Variants in SPTB observed in about 807,000 individuals in gnomAD.
SPTB encodes the protein spectrin beta chain, erythrocytic.
In SPTB, 45 loss-of-function variants were observed where a neutral mutation model predicts 256.2. The ratio of observed to expected loss-of-function variants is 0.18; its 90% CI spans 0.14 to 0.23. The LOEUF is 0.23. SPTB is among the 10% of genes least tolerant of loss of function. SPTB has a pLI of 1.00. For missense variants in SPTB, 2,715 were observed against 3,040.4 expected (o/e 0.89, Z 2.52); for synonymous variants, 1,231 against 1,243.1 (o/e 0.99, Z 0.21).
chr14:64,793,055 A>G lies in SPTB; in HGVS notation c.2608T>C (p.Trp870Arg). ...CELWMGEKEK[W>R]LAEMEMPDTL... ...TCTGGCATTTCCATCTCGGCCAGCCACTTCTCCTTCTCTCCCATCCACAGC... is the reference window on the plus strand; with the variant it reads ...TCTGGCATTTCCATCTCGGCCAGCCGCTTCTCCTTCTCTCCCATCCACAGC... Residue 870 changes from tryptophan to arginine, a missense_variant, in exon 14 of 36, where the codon TGG becomes CGG. Trp to Arg is a moderately radical substitution (Grantham distance 101). This residue lies in a region of SPTB where 2,239 missense variants were observed against 2,384.4 expected (regional missense o/e 0.94). Coordinates refer to ENST00000644917, the MANE Select transcript of SPTB (RefSeq NM_001355436.2). The surrounding 1 kb of genome is among the most constrained non-coding windows in gnomAD (Gnocchi z 7.0). The G allele has an allele frequency of 6.2e-7, 1 of 1,614,014 alleles. No homozygotes were observed. Among genetic ancestry groups the G allele is most frequent in the Non-Finnish European group, 8.5e-7 (1 of 1,180,020 alleles).
At chr14:64,797,504 G>T (rs229584) in intron 10 of SPTB, among the ~76,000 whole-genome samples, 1 of 92,652 alleles carries the variant, frequency 1.1e-5, no homozygotes, top group East Asian at 8.4e-4. Context: ...AAAAAAAAAG[G>T]ACTCAGGGAT....
At chr14:64,817,582 A>G (rs906667998) in intron 2 of SPTB, among the ~76,000 whole-genome samples, 1 of 152,240 alleles carries the variant, frequency 6.6e-6, no homozygotes, top group African/African-American at 2.4e-5. Context: ...TGTCAACTTA[A>G]CAAAGAAGCT....
Position 64,797,786 on chromosome 14 carries a change from G to C in SPTB, c.1125C>G (p.Ala375=), listed in dbSNP as rs985504679. The change falls in exon 10 of 36, where the codon GCC becomes GCG. Residue 375 remains alanine, a synonymous_variant. Transcript: ENST00000644917. The part of the protein sequence containing the change: ...LLFTIQSRMR[A]NNQKVYTPHD... ...GGGGTGTGTACACTTTCTGATTGTT[G>C]GCTCTCATCCGGGACTGGATGGTAA... 1 of 1,613,994 alleles carries C rather than the reference G, an allele frequency of 6.2e-7. No homozygotes were observed. The highest frequency in any genetic ancestry group is 8.5e-7 in the Non-Finnish European group (1 of 1,180,016).
Position 64,779,246 on chromosome 14 carries a change from G to C in SPTB, c.4474C>G (p.Leu1492Val), listed in dbSNP as rs763942503. The change falls in exon 22 of 36, where the codon CTT (leucine) becomes GTT (valine). Residue 1492 changes from leucine (L) to valine (V), a missense_variant and splice_region_variant. Transcript: ENST00000644917. The surrounding 1 kb of genome is among the most constrained non-coding windows in gnomAD (Gnocchi z 4.2). ...QISRDLEDET[L>V]WVEERLPLAQ... ...AGAGGCAGCCTCTCCTCCACCCAAA[G>C]CTGCAGAGACCAGGAGGCAGGAGAG... The C allele has an allele frequency of 5.6e-6, 9 of 1,612,666 alleles. No homozygotes were observed. In the South Asian group the frequency reaches 9.9e-5, roughly 18 times the overall value.
rs1403888386 is a variant in SPTB, at chr14:64,778,384, T to C, written c.4563+773A>G. On this transcript the variant is annotated intron_variant, in intron 22 of 35. Coordinates refer to ENST00000644917, the MANE Select transcript of SPTB (RefSeq NM_001355436.2). The surrounding 1 kb of genome is among the most constrained non-coding windows in gnomAD (Gnocchi z 5.2). ...CACTTTTATCTGGGATCTAAGTTCC[T>C]GGGCTCTCCTTGCTGACCCAGAGAG... 6.6e-6 allele frequency among the ~76,000 whole-genome samples: 1 copy of C among 152,202 alleles called. No individual in the cohort carries two copies. Among genetic ancestry groups the C allele is most frequent in the Non-Finnish European group, 1.5e-5 (1 of 68,022 alleles).
At position 64,777,748 on chromosome 14, in the gene SPTB, G is replaced by T. The variant is rs2082386351; in HGVS notation, c.4563+1409C>A. ...GAGTTTGACAACCATTGCAACAGAG[G>T]GTTTTAGGTGAGGAAATGATAAAAT... On this transcript the variant is annotated intron_variant, in intron 22 of 35. Transcript: ENST00000644917. This position sits in a 1 kb window ranked among gnomAD's most constrained non-coding sequence, Gnocchi z 4.5. Among the ~76,000 whole-genome samples the T allele has an allele frequency of 6.6e-6, 1 of 152,150 alleles. No homozygotes were observed. Among genetic ancestry groups the T allele is most frequent in the Non-Finnish European group, 1.5e-5 (1 of 68,030 alleles).
At chr14:64,798,831 G>A (rs1813331871) in intron 9 of SPTB, among the ~76,000 whole-genome samples, 1 of 152,246 alleles carries the variant, frequency 6.6e-6, no homozygotes. Context: ...GCAGAGTGTG[G>A]GAGATGGGGG....
intron 31 of SPTB, 113 bp from the exon 32 acceptor site, chr14:64,766,914 C>A: frequency 7.5e-7 from 1 of 1,332,104 alleles, no homozygotes; most frequent in South Asian, 1.2e-5. Flanking sequence ...ATAGCTCCCC[C>A]TCCAGTCAGC....
At position 64,799,951 on chromosome 14, in the gene SPTB, T is replaced by C; in HGVS notation, c.877-17A>G. The C allele has an allele frequency of 6.2e-7, 1 of 1,613,798 alleles. No homozygotes were observed. The highest frequency in any genetic ancestry group is 8.5e-7 in the Non-Finnish European group (1 of 1,179,964). ...GTCAATAACCTAAGGAATCATCTTC[T>C]TACTTATTCTCATCAGAAGGGCAAT... is the stretch of plus-strand genomic sequence containing the variant. On this transcript the variant is annotated splice_polypyrimidine_tract_variant and intron_variant, in intron 8 of 35. Coordinates refer to ENST00000644917, the MANE Select transcript of SPTB (RefSeq NM_001355436.2).
intron 1 of SPTB, among the ~76,000 whole-genome samples, chr14:64,869,776 C>T (rs1450025291): frequency 2.8e-5 from 4 of 141,348 alleles, no homozygotes; most frequent in South Asian, 4.9e-4. Context: ...GCACGTGCCA[C>T]GATGCCCTGC....
chr14:64,748,936 CTTTT>C lies in SPTB; in HGVS notation c.*366_*369del, dbSNP rs34353769. 1.8e-3 allele frequency: 233 copies of C among 128,640 alleles called. No individual in the cohort carries two copies. The highest frequency in any genetic ancestry group is 5.2e-3 in the South Asian group (23 of 4,424). 8.0% of individuals were successfully genotyped at this position (128,640 alleles called of 1,614,324 possible). ...AGAACCCCATCAGCCTTCTCCAGCT[CTTTT>C]TTTTTTTTTTTTTTGGTTGGGGGTA... is the stretch of plus-strand genomic sequence containing the variant. On this transcript the variant is annotated 3_prime_UTR_variant, in exon 36 of 36. Coordinates refer to ENST00000644917, the MANE Select transcript of SPTB (RefSeq NM_001355436.2).
chr14:64,795,354 A>C lies in SPTB; in HGVS notation c.1627T>G (p.Trp543Gly). The change falls in exon 12 of 36, where the codon TGG (tryptophan) becomes GGG (glycine). Residue 543 changes from tryptophan to glycine, a missense_variant. Around this residue, in one of 4 missense-constraint regions of SPTB, gnomAD observed 2,239 missense variants for 2,384.4 expected, o/e 0.94. Transcript: ENST00000644917. The surrounding 1 kb of genome is among the most constrained non-coding windows in gnomAD (Gnocchi z 6.5). Reference sequence around the variant, plus strand: ...GGGCCCACCTTGATCTCATCCATCCAGTCGATGCTGTGCAGCATGTCCTGG... The same window carrying C: ...GGGCCCACCTTGATCTCATCCATCCCGTCGATGCTGTGCAGCATGTCCTGG... ...LFQDMLHSID[W>G]MDEIKAHLLS... The C allele has an allele frequency of 6.2e-7, 1 of 1,610,530 alleles. No individual in the cohort carries two copies. Among genetic ancestry groups the C allele is most frequent in the Non-Finnish European group, 8.5e-7 (1 of 1,179,984 alleles).
chr14:64,770,831 G>C, intron 27 of SPTB, 54 bp downstream of exon 27: 4 of 1,612,750 alleles, frequency 2.5e-6, no homozygotes, highest in Non-Finnish European at 3.4e-6. Context: ...CTGGTTGGCC[G>C]GGCTCCTCTG....
intron 1 of SPTB, among the ~76,000 whole-genome samples, chr14:64,843,537 C>T (rs986624539): frequency 3.3e-5 from 5 of 152,118 alleles, no homozygotes; most frequent in African/African-American, 1.2e-4. Flanking sequence ...TTGGTCACAG[C>T]CCCATCGCAG....
At position 64,841,101 on chromosome 14, in the gene SPTB, T is replaced by G. The variant is rs1215089645; in HGVS notation, c.-51-17956A>C. ...GTGTATTTATTGAGAGTTTACCTTGTGCCTGGCATTGGATTTTGTAAACCC... is the reference window on the plus strand; with the variant it reads ...GTGTATTTATTGAGAGTTTACCTTGGGCCTGGCATTGGATTTTGTAAACCC... On this transcript the variant is annotated intron_variant, in intron 1 of 35. Coordinates refer to ENST00000644917, the MANE Select transcript of SPTB (RefSeq NM_001355436.2). This position sits in a 1 kb window ranked among gnomAD's most constrained non-coding sequence, Gnocchi z 4.6. 6.6e-6 allele frequency among the ~76,000 whole-genome samples: 1 copy of G among 152,228 alleles called. No individual in the cohort carries two copies. The highest frequency in any genetic ancestry group is 1.5e-5 in the Non-Finnish European group (1 of 68,042).
In SPTB at chr14:64,824,001, C is replaced by CTCAT. The variant is rs1566788309; in HGVS notation, c.-51-860_-51-857dup. Among the ~76,000 whole-genome samples, 1 of 152,230 alleles carries CTCAT rather than the reference C, an allele frequency of 6.6e-6. No individual in the cohort carries two copies. Among genetic ancestry groups the CTCAT allele is most frequent in the Non-Finnish European group, 1.5e-5 (1 of 68,042 alleles). ...ACCCGTCATCAGTCATTCCTACTCA[C>CTCAT]TCATTCATTCATTTACAGTTAATTC... On this transcript the variant is annotated intron_variant, in intron 1 of 35. Transcript: ENST00000644917. This position sits in a 1 kb window ranked among gnomAD's most constrained non-coding sequence, Gnocchi z 5.7.
Position 64,796,727 on chromosome 14 carries a change from A to G in SPTB, c.1183-12T>C, listed in dbSNP as rs772841996. ...AGGCTTTCCCAGGCCTGCACAAAGGATGGAATGAGAATTCTTGGGGCACAG... is the reference window on the plus strand; with the variant it reads ...AGGCTTTCCCAGGCCTGCACAAAGGGTGGAATGAGAATTCTTGGGGCACAG... On this transcript the variant is annotated splice_polypyrimidine_tract_variant and intron_variant, in intron 10 of 35. Transcript: ENST00000644917. The surrounding 1 kb of genome is among the most constrained non-coding windows in gnomAD (Gnocchi z 4.1). 1 of 1,614,014 alleles carries G rather than the reference A, an allele frequency of 6.2e-7. No individual in the cohort carries two copies. The highest frequency in any genetic ancestry group is 8.5e-7 in the Non-Finnish European group (1 of 1,180,034).
intron 1 of SPTB, among the ~76,000 whole-genome samples, chr14:64,864,171 G>T (rs1239548235): frequency 1.3e-5 from 2 of 152,168 alleles, no homozygotes; most frequent in South Asian, 2.1e-4. Context: ...AATGAAATAG[G>T]TCAGGCCAGG....
rs1204218223 is a variant in SPTB, at chr14:64,800,793, A to G, written c.839T>C (p.Met280Thr). The G allele has an allele frequency of 1.2e-6, 2 of 1,614,120 alleles. No individual in the cohort carries two copies. The highest frequency in any genetic ancestry group is 1.7e-6 in the Non-Finnish European group (2 of 1,180,056). Residue 280 changes from methionine to threonine, a missense_variant, in exon 8 of 36, where the codon ATG becomes ACG. Transcript: ENST00000644917. ...CTTGCCCTCCACTGCCAGCACCTTC[A>G]TCTTGGAGAAGTAGTGGTAAAAGGC... ...VVAFYHYFSK[M>T]KVLAVEGKRV...
Sources: gnomAD v4.1 joint callset for allele counts (sites outside exome capture counted in the v4.1 genomes callset) on GRCh38, gnomAD v4.1.1 for gene constraint, gnomAD v4.1.1 regional missense constraint, Gnocchi (gnomAD v3.1) non-coding constraint, MANE v1.5 for transcripts, NCBI Gene and HGNC (gene_info 2026-07-23, HGNC 2026-07-21) for gene names.